Variants in PKN2 observed in about 807,000 individuals in gnomAD.
PKN2 encodes serine/threonine-protein kinase N2.
Under a neutral mutation model 119.1 loss-of-function variants are expected in PKN2, and 38 were observed. The observed-to-expected ratio is 0.32, with a 90% CI of 0.25 to 0.42. PKN2 has a LOEUF of 0.42. PKN2 is among the 10% of genes least tolerant of loss of function. The pLI is 1.00. For synonymous variants in PKN2, 390 were observed against 384.9 expected (o/e 1.01, Z -0.15); for missense variants, 850 against 1,165.1 (o/e 0.73, Z 3.94).
At chr1:88,713,466 A>G (rs1416592051) in intron 1 of PKN2, among the ~76,000 whole-genome samples, 1 of 152,150 alleles carries the variant, frequency 6.6e-6, no homozygotes, top group Non-Finnish European at 1.5e-5. Context: ...AATGATCACC[A>G]GTCTAACTGG....
chr1:88,787,360 G>A (rs1670623791), intron 8 of PKN2, among the ~76,000 whole-genome samples: 1 of 151,988 alleles, frequency 6.6e-6, no homozygotes, highest in East Asian at 1.9e-4. Context: ...CTTATAACAA[G>A]GTTATTGTTA....
At chr1:88,696,683 T>C (rs1349236135) in intron 1 of PKN2, among the ~76,000 whole-genome samples, 1 of 152,162 alleles carries the variant, frequency 6.6e-6, no homozygotes, top group Non-Finnish European at 1.5e-5. Context: ...GATTCTCTAG[T>C]ATCAATATGG....
chr1:88,732,007 T>C (rs1450679957), intron 1 of PKN2, among the ~76,000 whole-genome samples: 1 of 152,232 alleles, frequency 6.6e-6, no homozygotes, highest in Non-Finnish European at 1.5e-5. Context: ...AAATACATAT[T>C]ATCACATTTG....
intron 6 of PKN2, among the ~76,000 whole-genome samples, chr1:88,774,891 T>C (rs1285175258): frequency 6.6e-6 from 1 of 151,970 alleles, no homozygotes; most frequent in Non-Finnish European, 1.5e-5. Flanking sequence ...AGTTTTTTGC[T>C]AGCAATGGCG....
In PKN2 at chr1:88,763,589, A is replaced by G. The variant is rs559660961; in HGVS notation, c.504+3213A>G. 3.3e-5 allele frequency among the ~76,000 whole-genome samples: 5 copies of G among 149,806 alleles called. No homozygotes were observed. The East Asian group carries it at 9.7e-4, about 29-fold the overall frequency. On this transcript the variant is annotated intron_variant, in intron 3 of 21. Coordinates refer to ENST00000370521, the MANE Select transcript of PKN2 (RefSeq NM_006256.4). ...GCCATTGCACTCCAGCCTGGGCAACAAAAGCAAAACTCCATCTCAAAAAAA... is the reference window on the plus strand; with the variant it reads ...GCCATTGCACTCCAGCCTGGGCAACGAAAGCAAAACTCCATCTCAAAAAAA...
chr1:88,809,704 C>T (rs764811611), intron 15 of PKN2, among the ~76,000 whole-genome samples: 3 of 152,174 alleles, frequency 2.0e-5, no homozygotes, highest in Non-Finnish European at 4.4e-5. Flanking sequence ...TCACTGCAGC[C>T]TTGAATTCCT....
At chr1:88,777,030 CTT>C (rs1670135916) in intron 6 of PKN2, among the ~76,000 whole-genome samples, 1 of 152,006 alleles carries the variant, frequency 6.6e-6, no homozygotes. Context: ...CCCTCTGAGA[CTT>C]TGATTTTTGC....
intron 6 of PKN2, among the ~76,000 whole-genome samples, chr1:88,776,799 TCCAC>T: frequency 6.6e-6 from 1 of 152,190 alleles, no homozygotes; most frequent in South Asian, 2.1e-4. Context: ...TGATGAGAAA[TCCAC>T]TGTTAATGTT....
At chr1:88,802,847 A>G (rs963862897) in intron 8 of PKN2, among the ~76,000 whole-genome samples, 1 of 152,228 alleles carries the variant, frequency 6.6e-6, no homozygotes, top group African/African-American at 2.4e-5. Flanking sequence ...TGCATCTTGC[A>G]TCTTCCTGAT....
rs186242602 is a variant in PKN2 at position 88,738,543 on chromosome 1, T to A, written c.49-2445T>A. On this transcript the variant is annotated intron_variant, in intron 1 of 21. Coordinates refer to ENST00000370521, the MANE Select transcript of PKN2 (RefSeq NM_006256.4). ...GTTTTATAATTTGATATGATTGGAG[T>A]TTAAGGAACAAAGTGGAAAGAAATG... Among the ~76,000 whole-genome samples, 642 of 152,192 alleles carry A rather than the reference T, an allele frequency of 4.2e-3. 13 individuals carry two copies. The highest frequency in any genetic ancestry group is 3.4e-3 in the Admixed American group (52 of 15,292).
rs1413472605 is a variant in PKN2, at chr1:88,820,179, CCTATATATATATAT to C, written c.2280-1761_2280-1748del. 4.7e-4 allele frequency among the ~76,000 whole-genome samples: 31 copies of C among 65,476 alleles called. 1 individual carries two copies. The East Asian group carries it at 0.01, about 21-fold the overall frequency. The allele number at this position is 65,476 out of a possible 152,430, so 43.0% of individuals were successfully genotyped here. On this transcript the variant is annotated intron_variant, in intron 16 of 21. Transcript: ENST00000370521. Reference sequence around the variant, plus strand: ...TAAATCAAACAAATCTTTTCAGAAACCTATATATATATATATATATATATATATATATATATATA... The same window carrying C: ...TAAATCAAACAAATCTTTTCAGAAACATATATATATATATATATATATATA...
Position 88,835,248 on chromosome 1 carries a change from T to C in PKN2, c.*1800T>C, listed in dbSNP as rs1672896088. 1 of 152,438 alleles carries C rather than the reference T, an allele frequency of 6.6e-6. No homozygotes were observed. Among genetic ancestry groups the C allele is most frequent in the African/African-American group, 2.4e-5 (1 of 41,452 alleles). The allele number at this position is 152,438 out of a possible 1,614,324, so 9.4% of individuals were successfully genotyped here. A position where few individuals can be genotyped will look rare whatever the true frequency, so the allele number is the denominator to read the frequency against. On this transcript the variant is annotated 3_prime_UTR_variant, in exon 22 of 22. Transcript: ENST00000370521. ...GTTTAAAGTTATTTTAAAATGCCAG[T>C]TAATTTCCTCGGCAAAGGACAATAG...
At chr1:88,748,715 G>T (rs1156555640) in intron 2 of PKN2, among the ~76,000 whole-genome samples, 1 of 152,040 alleles carries the variant, frequency 6.6e-6, no homozygotes, top group Non-Finnish European at 1.5e-5. Flanking sequence ...TGGGGGGATC[G>T]TTTGAGCTCA....
intron 1 of PKN2, among the ~76,000 whole-genome samples, chr1:88,689,656 C>A (rs1424503464): frequency 6.6e-6 from 1 of 151,988 alleles, no homozygotes; most frequent in Non-Finnish European, 1.5e-5. Context: ...ACTAAAAATA[C>A]AAAAATTAGC....
chr1:88,826,472 T>A (rs542113462), intron 18 of PKN2, among the ~76,000 whole-genome samples: 1 of 152,208 alleles, frequency 6.6e-6, no homozygotes, highest in South Asian at 2.1e-4. Flanking sequence ...GAAGTGCAAT[T>A]TTGTTACATG....
At chr1:88,822,474 GCTAGTTTGTGAA>G (rs1454709404) in intron 17 of PKN2, among the ~76,000 whole-genome samples, 1 of 152,038 alleles carries the variant, frequency 6.6e-6, no homozygotes, top group Non-Finnish European at 1.5e-5. Flanking sequence ...TGGCCCAGCA[GCTAGTTTGTGAA>G]CCACACCTTG....
intron 6 of PKN2, among the ~76,000 whole-genome samples, chr1:88,774,437 C>G (rs1220538743): frequency 6.6e-6 from 1 of 152,136 alleles, no homozygotes; most frequent in Non-Finnish European, 1.5e-5. Context: ...CTGAAACTGT[C>G]TAGAGGCCCA....
intron 3 of PKN2, 116 bp from the exon 4 acceptor site, chr1:88,770,236 A>G: frequency 1.7e-6 from 1 of 604,644 alleles, no homozygotes; most frequent in Non-Finnish European, 3.0e-6. Context: ...CGCCAACAGC[A>G]TTCTTTTAAC....
At chr1:88,831,063 C>CA (rs1672710671) in intron 19 of PKN2, among the ~76,000 whole-genome samples, 1 of 151,894 alleles carries the variant, frequency 6.6e-6, no homozygotes, top group Non-Finnish European at 1.5e-5. Context: ...ACAAACATCG[C>CA]AAGTCCCCTT....
Sources: gnomAD v4.1 joint callset for allele counts (sites outside exome capture counted in the v4.1 genomes callset) on GRCh38, gnomAD v4.1.1 for gene constraint, MANE v1.5 for transcripts, NCBI Gene and HGNC (gene_info 2026-07-23, HGNC 2026-07-21) for gene names.